The following JAKMIP2 variants were observed in gnomAD, a reference collection of about 807,000 sequenced individuals.
JAKMIP2 encodes janus kinase and microtubule-interacting protein 2.
JAKMIP2 carries 25 observed loss-of-function variants against 115.0 expected under a neutral mutation model. The observed-to-expected ratio is 0.22, with a 90% CI of 0.16 to 0.30. JAKMIP2 has a LOEUF of 0.30. Ranked by LOEUF, JAKMIP2 falls within the 10% of genes least tolerant of loss-of-function variation. The pLI is 1.00. For missense variants in JAKMIP2, 642 were observed against 957.6 expected, an observed-to-expected ratio of 0.67 and a Z score of 4.35; for synonymous variants, 334 against 343.6, an observed-to-expected ratio of 0.97 and a Z score of 0.31.
At chr5:147,665,579 T>TA (rs1478478481) in intron 2 of JAKMIP2, among the ~76,000 whole-genome samples, 1 of 152,202 alleles carries the variant, frequency 6.6e-6, no homozygotes, top group African/African-American at 2.4e-5. Flanking sequence ...AAAACTGTAC[T>TA]AAAAGTGGAC....
At position 147,648,448 on chromosome 5, in the gene JAKMIP2, T is replaced by C. The variant is rs939726059; in HGVS notation, c.864A>G (p.Ile288Met). The C allele has an allele frequency of 1.2e-6, 2 of 1,605,642 alleles. No individual in the cohort carries two copies. The highest frequency in any genetic ancestry group is 1.7e-6 in the Non-Finnish European group (2 of 1,173,072). The part of the protein sequence containing the change: ...SPDLRRNQKR[I>M]AELNATIRKL... Reference sequence around the variant, plus strand: ...TTCTTATAGTGGCATTCAATTCAGCTATTCTCTTTTGATTTCTTCGCAAAT... The same window carrying C: ...TTCTTATAGTGGCATTCAATTCAGCCATTCTCTTTTGATTTCTTCGCAAAT... The change falls in exon 5 of 22, where the codon ATA becomes ATG. Residue 288 changes from isoleucine to methionine, a missense_variant. Physicochemically the swap from Ile to Met is conservative, Grantham distance 10 (BLOSUM62 1). This residue lies in a region of JAKMIP2 where 439 missense variants were observed against 570.9 expected (regional missense o/e 0.77). Transcript: ENST00000616793.
chr5:147,723,010 T>G (rs1211140349), intron 1 of JAKMIP2, among the ~76,000 whole-genome samples: 1 of 152,116 alleles, frequency 6.6e-6, no homozygotes, highest in Non-Finnish European at 1.5e-5. Context: ...TTAATTACAT[T>G]TTGAATTTCA....
At chr5:147,636,079 G>A in intron 12 of JAKMIP2, 143 bp downstream of exon 12, 1 of 638,442 alleles carries the variant, frequency 1.6e-6, no homozygotes, top group Non-Finnish European at 2.8e-6. Flanking sequence ...GGATGCGGTT[G>A]AGCACGCAGC....
intron 1 of JAKMIP2, among the ~76,000 whole-genome samples, chr5:147,704,328 T>C (rs548737130): frequency 3.3e-5 from 5 of 152,312 alleles, no homozygotes; most frequent in African/African-American, 9.6e-5. Flanking sequence ...GAGTGATGCA[T>C]TGTGCTACAA....
chr5:147,737,601 C>G (rs1177298714), intron 1 of JAKMIP2, among the ~76,000 whole-genome samples: 1 of 152,168 alleles, frequency 6.6e-6, no homozygotes, highest in Non-Finnish European at 1.5e-5. Flanking sequence ...AACATTCTCA[C>G]TAAAGGTGGT....
At position 147,620,799 on chromosome 5, in the gene JAKMIP2, C is replaced by A. The variant is rs1756813273; in HGVS notation, c.2065-56G>T. 2.5e-6 allele frequency: 3 copies of A among 1,191,058 alleles called. No individual in the cohort carries two copies. In the Admixed American group the frequency reaches 5.2e-5, roughly 21 times the overall value. The allele number at this position is 1,191,058 out of a possible 1,614,324, so 73.8% of individuals were successfully genotyped here. ...GCTTAGTTAACTAGAAAGTGACGTACAAATGGTATTGATTAATGTTTCCTC... is the reference window on the plus strand; with the variant it reads ...GCTTAGTTAACTAGAAAGTGACGTAAAAATGGTATTGATTAATGTTTCCTC... On this transcript the variant is annotated intron_variant, in intron 17 of 21. Coordinates refer to ENST00000616793, the MANE Select transcript of JAKMIP2 (RefSeq NM_001270941.2).
intron 1 of JAKMIP2, among the ~76,000 whole-genome samples, chr5:147,687,803 G>C (rs1301104386): frequency 6.6e-6 from 1 of 152,156 alleles, no homozygotes; most frequent in East Asian, 1.9e-4. Context: ...TACATGCCAA[G>C]CACAGTATTT....
At position 147,683,520 on chromosome 5, in the gene JAKMIP2, A is replaced by G. The variant is rs140346802; in HGVS notation, c.-148-11566T>C. On this transcript the variant is annotated intron_variant, in intron 1 of 21. Transcript: ENST00000616793. ...AACAAAACAAAACCAAACAACAACA[A>G]CAACAAAAATCCCTAGCATGTAAAG... Among the ~76,000 whole-genome samples, 1,126 of 152,154 alleles carry G rather than the reference A, an allele frequency of 7.4e-3. 53 individuals are homozygous for G. The highest frequency in any genetic ancestry group is 0.069 in the Admixed American group (1,056 of 15,274).
intron 1 of JAKMIP2, among the ~76,000 whole-genome samples, chr5:147,721,924 G>T (rs1476905279): frequency 6.6e-6 from 1 of 152,124 alleles, no homozygotes; most frequent in Admixed American, 6.5e-5. Context: ...GGAAATATGG[G>T]TATCACCTTC....
chr5:147,748,089 C>A (rs1754414338), intron 1 of JAKMIP2, among the ~76,000 whole-genome samples: 1 of 152,152 alleles, frequency 6.6e-6, no homozygotes, highest in African/African-American at 2.4e-5. Flanking sequence ...ACTTATCTCA[C>A]AAAATGATAA....
chr5:147,770,546 C>T (rs1349872873), intron 1 of JAKMIP2, among the ~76,000 whole-genome samples: 3 of 152,152 alleles, frequency 2.0e-5, no homozygotes, highest in Non-Finnish European at 2.9e-5. Context: ...AAAAAAGCCT[C>T]GAGTTGCGTG....
At chr5:147,655,534 G>C (rs185666559) in intron 3 of JAKMIP2, among the ~76,000 whole-genome samples, 78 of 152,176 alleles carry the variant, frequency 5.1e-4, no homozygotes, top group African/African-American at 1.7e-3. Flanking sequence ...CTGCTATGGA[G>C]TTAGTGGTGA....
chr5:147,745,183 G>T (rs1754308486), intron 1 of JAKMIP2, among the ~76,000 whole-genome samples: 1 of 139,390 alleles, frequency 7.2e-6, no homozygotes, highest in Non-Finnish European at 1.6e-5. Flanking sequence ...GACCTTGGCG[G>T]ATGCAACTTA....
Position 147,585,600 on chromosome 5 carries a change from T to C in JAKMIP2, c.*6107A>G, listed in dbSNP as rs1237523840. The C allele has an allele frequency of 6.6e-6, 1 of 152,218 alleles. No individual in the cohort carries two copies. Among genetic ancestry groups the C allele is most frequent in the African/African-American group, 2.4e-5 (1 of 41,460 alleles). 9.4% of individuals were successfully genotyped at this position (152,218 alleles called of 1,614,324 possible). Reference sequence around the variant, plus strand: ...GTAATACATACAGTACATGTACATATTCGGTGTACTTCAGAGGATCATTCT... The same window carrying C: ...GTAATACATACAGTACATGTACATACTCGGTGTACTTCAGAGGATCATTCT... On this transcript the variant is annotated 3_prime_UTR_variant, in exon 22 of 22. Transcript: ENST00000616793.
chr5:147,617,908 C>T lies in JAKMIP2; in HGVS notation c.2346+3G>A. 6.2e-7 allele frequency: 1 copy of T among 1,613,626 alleles called. No individual in the cohort carries two copies. The highest frequency in any genetic ancestry group is 2.2e-5 in the East Asian group (1 of 44,870). On this transcript the variant is annotated splice_donor_region_variant and intron_variant, in intron 19 of 21. Coordinates refer to ENST00000616793, the MANE Select transcript of JAKMIP2 (RefSeq NM_001270941.2). ...TACGCAGAGGCAGTGACTCAGTCCTCACCTGATGGGCTTGCTGTAAGAGCT... is the reference window on the plus strand; with the variant it reads ...TACGCAGAGGCAGTGACTCAGTCCTTACCTGATGGGCTTGCTGTAAGAGCT...
At position 147,603,879 on chromosome 5, in the gene JAKMIP2, A is replaced by C. The variant is rs142609873; in HGVS notation, c.2413-2068T>G. 1.8e-3 allele frequency among the ~76,000 whole-genome samples: 281 copies of C among 152,264 alleles called. 1 individual carries two copies. The highest frequency in any genetic ancestry group is 0.013 in the East Asian group (65 of 5,178). Reference sequence around the variant, plus strand: ...AATTTTTGAGGGTTTTATTTAGAGAATGGCTAGGGTGATGACGTTGATAGA... The same window carrying C: ...AATTTTTGAGGGTTTTATTTAGAGACTGGCTAGGGTGATGACGTTGATAGA... On this transcript the variant is annotated intron_variant, in intron 20 of 21. Transcript: ENST00000616793.
intron 7 of JAKMIP2, among the ~76,000 whole-genome samples, chr5:147,643,796 G>A (rs1458510973): frequency 6.6e-6 from 1 of 152,130 alleles, no homozygotes; most frequent in Non-Finnish European, 1.5e-5. Flanking sequence ...CTTATACAAC[G>A]AGGCATTTAA....
chr5:147,691,555 T>C (rs891817657), intron 1 of JAKMIP2, among the ~76,000 whole-genome samples: 1 of 152,240 alleles, frequency 6.6e-6, no homozygotes, highest in African/African-American at 2.4e-5. Flanking sequence ...AATCATGCAC[T>C]TACCCAAGGC....
chr5:147,625,933 T>C (rs1406018696), intron 16 of JAKMIP2, among the ~76,000 whole-genome samples: 1 of 152,210 alleles, frequency 6.6e-6, no homozygotes, highest in Non-Finnish European at 1.5e-5. Flanking sequence ...ATAATGTACT[T>C]ATGGCATTGA....
Sources: allele counts gnomAD v4.1 joint callset (sites outside exome capture counted in the v4.1 genomes callset), GRCh38; gene constraint gnomAD v4.1.1; regional missense constraint gnomAD v4.1.1; transcripts MANE v1.5; gene names NCBI Gene and HGNC (gene_info 2026-07-23, HGNC 2026-07-21).